GTF3C1: variants seen among roughly 807,000 people sequenced by gnomAD.
GTF3C1 encodes the protein general transcription factor IIIC subunit 1, also known as general transcription factor 3C polypeptide 1.
In GTF3C1, 57 loss-of-function variants were observed where a neutral mutation model predicts 226.7. The observed-to-expected ratio is 0.25, with a 90% CI of 0.20 to 0.31. The LOEUF (loss-of-function observed/expected upper bound fraction) is 0.31, where lower values mean the gene tolerates loss of function less well. Ranked by LOEUF, GTF3C1 falls within the 10% of genes least tolerant of loss-of-function variation. The pLI is 1.00. For synonymous variants in GTF3C1, 1,090 were observed against 1,084.8 expected (o/e 1.00, Z -0.09); for missense variants, 2,217 against 2,776.1 (o/e 0.80, Z 4.53).
chr16:27,498,881 G>T, intron 12 of GTF3C1, 148 bp from the exon 13 acceptor site: 1 of 630,770 alleles, frequency 1.6e-6, no homozygotes, highest in Non-Finnish European at 2.9e-6. Flanking sequence ...AAAATTTGTT[G>T]CTCAACAGTT....
intron 24 of GTF3C1, among the ~76,000 whole-genome samples, chr16:27,485,756 T>G (rs1016842890): frequency 1.3e-5 from 2 of 152,218 alleles, no homozygotes; most frequent in Admixed American, 1.3e-4. Flanking sequence ...GTGGGATCAC[T>G]TGAGGCCAGG....
chr16:27,502,494 G>A (rs2088421730), intron 11 of GTF3C1, among the ~76,000 whole-genome samples: 1 of 152,140 alleles, frequency 6.6e-6, no homozygotes, highest in Non-Finnish European at 1.5e-5. Flanking sequence ...TAAAAGTCTG[G>A]AAGTAATGCT....
intron 28 of GTF3C1, among the ~76,000 whole-genome samples, chr16:27,478,064 G>A (rs1019463158): frequency 1.3e-5 from 2 of 152,110 alleles, no homozygotes; most frequent in African/African-American, 2.4e-5. Context: ...TCAGCTATTC[G>A]GGAGGCTGAA....
At chr16:27,539,193 T>C (rs1192578815) in intron 2 of GTF3C1, among the ~76,000 whole-genome samples, 5 of 152,010 alleles carry the variant, frequency 3.3e-5, no homozygotes, top group African/African-American at 7.2e-5. Context: ...GATAAAACAA[T>C]CTTCAGAGTC....
chr16:27,548,436 T>G (rs1387472015), intron 1 of GTF3C1, among the ~76,000 whole-genome samples: 1 of 152,092 alleles, frequency 6.6e-6, no homozygotes. Flanking sequence ...CAGGCTAATT[T>G]TTGTATTTTT....
chr16:27,504,972 G>C (rs2088461758), intron 10 of GTF3C1, among the ~76,000 whole-genome samples: 1 of 151,906 alleles, frequency 6.6e-6, no homozygotes, highest in East Asian at 1.9e-4. Context: ...AGAAACAGCA[G>C]CAACACCATC....
chr16:27,539,549 T>C (rs1567416130), intron 2 of GTF3C1, among the ~76,000 whole-genome samples: 1 of 152,330 alleles, frequency 6.6e-6, no homozygotes. Flanking sequence ...GCCCTGCAGC[T>C]GGGAGATCCC....
At position 27,493,249 on chromosome 16, in the gene GTF3C1, C is replaced by A; in HGVS notation, c.2826G>T (p.Thr942=). 2 of 1,612,272 alleles carry A rather than the reference C, an allele frequency of 1.2e-6. No individual in the cohort carries two copies. Among genetic ancestry groups the A allele is most frequent in the East Asian group, 4.5e-5 (2 of 44,856 alleles). The change falls in exon 17 of 37, where the codon ACG becomes ACT. Residue 942 remains threonine, a synonymous_variant. Coordinates refer to ENST00000356183, the MANE Select transcript of GTF3C1 (RefSeq NM_001520.4). ...TGGGCCTGGGGAGAAAGCGGATCAG[C>A]GTGTGCTTCTTCAGCGGGTCGTTCA... is the stretch of plus-strand genomic sequence containing the variant. ...EFLNDPLKKH[T]LIRFLPRPIR...
chr16:27,537,085 T>C (rs1258905692), intron 4 of GTF3C1, among the ~76,000 whole-genome samples: 4 of 152,232 alleles, frequency 2.6e-5, no homozygotes, highest in Non-Finnish European at 5.9e-5. Flanking sequence ...CACACATTGT[T>C]ATCGCTTAGC....
At chr16:27,503,908 A>C (rs534819568) in intron 10 of GTF3C1, among the ~76,000 whole-genome samples, 211 of 152,148 alleles carry the variant, frequency 1.4e-3, no homozygotes, top group Non-Finnish European at 2.7e-3. Context: ...ATGGTGTCTG[A>C]ACGGCCAGGC....
rs1239242422 is a variant in GTF3C1, at chr16:27,492,894, C to T, written c.2877-181G>A. On this transcript the variant is annotated intron_variant, in intron 17 of 36. Coordinates refer to ENST00000356183, the MANE Select transcript of GTF3C1 (RefSeq NM_001520.4). The surrounding 1 kb of genome is among the most constrained non-coding windows in gnomAD (Gnocchi z 5.0). The stretch of plus-strand genomic sequence containing the variant: ...AGAACTACCCAACCTAACACCCAAC[C>T]AGGGCCACAGAGATCAACCCGACAC... Among the ~76,000 whole-genome samples, 2 of 151,904 alleles carry T rather than the reference C, an allele frequency of 1.3e-5. No individual in the cohort carries two copies. Among genetic ancestry groups the T allele is most frequent in the Non-Finnish European group, 2.9e-5 (2 of 67,986 alleles).
intron 28 of GTF3C1, among the ~76,000 whole-genome samples, chr16:27,477,975 G>C (rs1026604719): frequency 1.3e-5 from 2 of 152,144 alleles, no homozygotes; most frequent in Non-Finnish European, 2.9e-5. Context: ...TTCCAGACCA[G>C]CCTGGCCAAC....
At chr16:27,517,133 A>T (rs919714721) in intron 6 of GTF3C1, among the ~76,000 whole-genome samples, 19 of 152,102 alleles carry the variant, frequency 1.2e-4, no homozygotes, top group African/African-American at 4.6e-4. Context: ...CCTTGTGGGG[A>T]GAACGGTAAG....
chr16:27,490,347 G>A lies in GTF3C1; in HGVS notation c.3152-604C>T, dbSNP rs965839071. ...AAAGAAATATAAAATACCACTAAAA[G>A]CACTGCTTGATAGGTGAGGGAAGGT... On this transcript the variant is annotated intron_variant, in intron 19 of 36. Coordinates refer to ENST00000356183, the MANE Select transcript of GTF3C1 (RefSeq NM_001520.4). Among the ~76,000 whole-genome samples the A allele has an allele frequency of 1.2e-4, 18 of 152,346 alleles. No homozygotes were observed. In the Middle Eastern group the frequency reaches 0.01, roughly 86 times the overall value.
chr16:27,530,067 A>T (rs1424262387), intron 5 of GTF3C1, among the ~76,000 whole-genome samples: 2 of 152,136 alleles, frequency 1.3e-5, no homozygotes, highest in Admixed American at 1.3e-4. Flanking sequence ...GAATGGCAGG[A>T]GGCACTCGTG....
chr16:27,492,408 G>C lies in GTF3C1; in HGVS notation c.3081C>G (p.Val1027=). 6.2e-7 allele frequency: 1 copy of C among 1,611,074 alleles called. No homozygotes were observed. The highest frequency in any genetic ancestry group is 8.5e-7 in the Non-Finnish European group (1 of 1,177,590). ...TTTCCACATCCTGCATTGAGTTCAGGACATAGAGGCGCCTCTCGAAGGGCC... is the reference window on the plus strand; with the variant it reads ...TTTCCACATCCTGCATTGAGTTCAGCACATAGAGGCGCCTCTCGAAGGGCC... ...SSRPFERRLY[V]LNSMQDVENY... Residue 1027 remains valine, a synonymous_variant, in exon 19 of 37, where the codon GTC becomes GTG. Transcript: ENST00000356183. The surrounding 1 kb of genome is among the most constrained non-coding windows in gnomAD (Gnocchi z 5.0).
intron 25 of GTF3C1, chr16:27,483,572 T>C: frequency 2.3e-6 from 1 of 433,148 alleles, no homozygotes; most frequent in South Asian, 1.6e-5. Flanking sequence ...AGAGCCTGAC[T>C]TGCCCAAAAG....
In GTF3C1 at chr16:27,540,458, C is replaced by G. The variant is rs116816217; in HGVS notation, c.432-2102G>C. On this transcript the variant is annotated intron_variant, in intron 2 of 36. Transcript: ENST00000356183. ...TTGCTGCTTTTAAAACGTCATTACTCTGACTAGTTTACTATCCTTCACTGA... is the reference window on the plus strand; with the variant it reads ...TTGCTGCTTTTAAAACGTCATTACTGTGACTAGTTTACTATCCTTCACTGA... Among the ~76,000 whole-genome samples, 308 of 152,330 alleles carry G rather than the reference C, an allele frequency of 2.0e-3. 3 individuals are homozygous for G. The highest frequency in any genetic ancestry group is 6.5e-3 in the African/African-American group (272 of 41,582).
Position 27,549,887 on chromosome 16 carries a change from C to A in GTF3C1, c.4G>T (p.Asp2Tyr). M[D>Y]ALESLLDEVA... ...TCGTCCAACAACGACTCCAGCGCGTCCATTGCTACTTCAGTCGGCGGCGCC... is the reference window on the plus strand; with the variant it reads ...TCGTCCAACAACGACTCCAGCGCGTACATTGCTACTTCAGTCGGCGGCGCC... The change falls in exon 1 of 37, where the codon GAC becomes TAC. Residue 2 changes from aspartate (D) to tyrosine (Y), a missense_variant. Coordinates refer to ENST00000356183, the MANE Select transcript of GTF3C1 (RefSeq NM_001520.4). The A allele has an allele frequency of 6.2e-7, 1 of 1,610,186 alleles. No individual in the cohort carries two copies. Among genetic ancestry groups the A allele is most frequent in the Non-Finnish European group, 8.5e-7 (1 of 1,177,458 alleles).
Sources: gnomAD v4.1 joint callset for allele counts (sites outside exome capture counted in the v4.1 genomes callset) on GRCh38, gnomAD v4.1.1 for gene constraint, Gnocchi (gnomAD v3.1) non-coding constraint, MANE v1.5 for transcripts, NCBI Gene and HGNC (gene_info 2026-07-23, HGNC 2026-07-21) for gene names.